Variants in NRG1 observed in about 807,000 individuals in gnomAD.
NRG1 encodes the protein pro-neuregulin-1, membrane-bound isoform.
NRG1 carries 18 observed loss-of-function variants against 63.8 expected under a neutral mutation model. The observed-to-expected ratio is 0.28, with a 90% CI of 0.19 to 0.42. The LOEUF (loss-of-function observed/expected upper bound fraction) is 0.42. Ranked by LOEUF, NRG1 falls within the 10% of genes least tolerant of loss-of-function variation. The pLI is 1.00. For synonymous variants in NRG1, 302 were observed against 301.3 expected, an observed-to-expected ratio of 1.00 and a Z score of -0.02; for missense variants, 762 against 814.7, an observed-to-expected ratio of 0.94 and a Z score of 0.79.
intron 1 of NRG1, among the ~76,000 whole-genome samples, chr8:32,077,570 T>C (rs1826782249): frequency 6.6e-6 from 1 of 152,192 alleles, no homozygotes; most frequent in Admixed American, 6.5e-5. Flanking sequence ...ATTTTTAAAT[T>C]TTTACATTGA....
chr8:32,745,966 A>G (rs1827354280), intron 7 of NRG1, among the ~76,000 whole-genome samples: 1 of 152,230 alleles, frequency 6.6e-6, no homozygotes, highest in African/African-American at 2.4e-5. Context: ...ACAGGTTACT[A>G]GTGCATCCAT....
At chr8:32,772,186 C>A (rs570112162), downstream of NRG1, among the ~76,000 whole-genome samples, 3 of 151,432 alleles carry the variant, frequency 2.0e-5, no homozygotes, top group Admixed American at 2.0e-4. Context: ...CATGATCCAT[C>A]CAATAATTCC....
At chr8:31,643,157 T>A (rs1205701258) in intron 1 of NRG1, among the ~76,000 whole-genome samples, 3 of 152,146 alleles carry the variant, frequency 2.0e-5, no homozygotes, top group African/African-American at 7.2e-5. Flanking sequence ...GGGGGCTGAT[T>A]TGTTCTGGTT....
At chr8:32,116,156 TC>T (rs1382047465) in intron 1 of NRG1, among the ~76,000 whole-genome samples, 2 of 152,124 alleles carry the variant, frequency 1.3e-5, no homozygotes, top group African/African-American at 4.8e-5. Flanking sequence ...TTCCTCCACT[TC>T]CTAATTAAGG....
intron 1 of NRG1, among the ~76,000 whole-genome samples, chr8:32,081,471 G>A (rs1414128606): frequency 1.3e-5 from 2 of 152,128 alleles, no homozygotes; most frequent in Non-Finnish European, 2.9e-5. Flanking sequence ...CACAAAACAA[G>A]GATTGAAGGG....
intron 1 of NRG1, among the ~76,000 whole-genome samples, chr8:31,887,306 T>A (rs551085788): frequency 6.6e-6 from 1 of 152,210 alleles, no homozygotes; most frequent in East Asian, 1.9e-4. Context: ...TTAAAAGCTT[T>A]CAGGCGCTCA....
intron 1 of NRG1, among the ~76,000 whole-genome samples, chr8:32,087,533 G>A (rs1455040181): frequency 1.5e-5 from 2 of 130,166 alleles, no homozygotes; most frequent in African/African-American, 6.0e-5. Context: ...TCAGGCTGGA[G>A]TGGAGTGGCT....
chr8:32,425,180 C>T (rs1817203984), intron 1 of NRG1, among the ~76,000 whole-genome samples: 1 of 152,150 alleles, frequency 6.6e-6, no homozygotes, highest in Non-Finnish European at 1.5e-5. Context: ...AAGAAACAAA[C>T]AAAAGAAAAC....
intron 1 of NRG1, among the ~76,000 whole-genome samples, chr8:32,312,077 T>C (rs1856859186): frequency 6.6e-6 from 1 of 151,736 alleles, no homozygotes; most frequent in South Asian, 2.1e-4. Context: ...GGAAGAAAAC[T>C]GCGGTACCTT....
At chr8:31,729,301 C>G (rs1312667880) in intron 1 of NRG1, among the ~76,000 whole-genome samples, 1 of 151,374 alleles carries the variant, frequency 6.6e-6, no homozygotes, top group Non-Finnish European at 1.5e-5. Context: ...AAAATAGATT[C>G]TGCTTTCTAC....
intron 1 of NRG1, among the ~76,000 whole-genome samples, chr8:32,549,678 T>C (rs1833755206): frequency 6.6e-6 from 1 of 152,206 alleles, no homozygotes; most frequent in Admixed American, 6.5e-5. Flanking sequence ...AAACAAATCT[T>C]GTATTTCATC....
intron 1 of NRG1, among the ~76,000 whole-genome samples, chr8:32,537,698 T>G (rs1414703143): frequency 6.6e-6 from 1 of 152,112 alleles, no homozygotes; most frequent in African/African-American, 2.4e-5. Context: ...CATTTAATCT[T>G]CACAATGGTG....
At chr8:32,026,604 C>T (rs1314054854) in intron 1 of NRG1, among the ~76,000 whole-genome samples, 1 of 152,006 alleles carries the variant, frequency 6.6e-6, no homozygotes, top group Non-Finnish European at 1.5e-5. Flanking sequence ...GTTATTCTAC[C>T]GTATAGGCGA....
intron 1 of NRG1, among the ~76,000 whole-genome samples, chr8:32,047,832 T>C (rs554107607): frequency 6.6e-6 from 1 of 152,016 alleles, no homozygotes; most frequent in East Asian, 1.9e-4. Context: ...TTAATGATAG[T>C]CACCATGGTA....
chr8:32,510,119 A>ATCATCATCATC lies in NRG1; in HGVS notation c.38-85709_38-85708insTCATCATCATC, dbSNP rs1554566660. On this transcript the variant is annotated intron_variant, in intron 1 of 10. Transcript: ENST00000519301. ...CAAAAATAATAATAATAATAATAAT[A>ATCATCATCATC]ATAATAATCATAAAAGCAAGGGAGG... 3.9e-3 allele frequency among the ~76,000 whole-genome samples: 418 copies of ATCATCATCATC among 106,744 alleles called. 2 individuals are homozygous for ATCATCATCATC. Among genetic ancestry groups the ATCATCATCATC allele is most frequent in the African/African-American group, 0.011 (365 of 32,622 alleles). 70.0% of individuals were successfully genotyped at this position (106,744 alleles called of 152,430 possible). A position where few individuals can be genotyped will look rare whatever the true frequency, so the allele number is the denominator to read the frequency against.
At position 32,651,014 on chromosome 8, in the gene NRG1, C is replaced by T. The variant is rs1022352919; in HGVS notation, c.502+34129C>T. Among the ~76,000 whole-genome samples, 17 of 152,216 alleles carry T rather than the reference C, an allele frequency of 1.1e-4. No homozygotes were observed. The East Asian group carries it at 1.9e-3, about 17-fold the overall frequency. ...ACAATCCCAGTAATTGTGTCTGCAGCGTTGCTCCCCAAACCAATCTACCTA... is the reference window on the plus strand; with the variant it reads ...ACAATCCCAGTAATTGTGTCTGCAGTGTTGCTCCCCAAACCAATCTACCTA... On this transcript the variant is annotated intron_variant, in intron 5 of 11. Transcript: ENST00000356819.
At chr8:32,068,532 G>A (rs1231565206) in intron 1 of NRG1, among the ~76,000 whole-genome samples, 1 of 152,178 alleles carries the variant, frequency 6.6e-6, no homozygotes, top group African/African-American at 2.4e-5. Context: ...AAAGCGGAGG[G>A]ACTGGAGGAG....
chr8:32,318,894 G>A (rs549148219), intron 1 of NRG1, among the ~76,000 whole-genome samples: 2 of 152,198 alleles, frequency 1.3e-5, no homozygotes, highest in Admixed American at 6.5e-5. Flanking sequence ...TTGCTATTTT[G>A]TGTGAGCACT....
At chr8:31,914,295 CT>C (rs34010920) in intron 1 of NRG1, among the ~76,000 whole-genome samples, 98,251 of 147,938 alleles carry the variant, frequency 0.66, 32,619 homozygotes, top group East Asian at 0.92. Context: ...TTATGTCACC[CT>C]TTTTTTTTTT....
Sources: gnomAD v4.1 joint callset for allele counts (sites outside exome capture counted in the v4.1 genomes callset) on GRCh38, gnomAD v4.1.1 for gene constraint, MANE v1.5 for transcripts, NCBI Gene and HGNC (gene_info 2026-07-23, HGNC 2026-07-21) for gene names.